PCNT: variants seen among roughly 807,000 people sequenced by gnomAD.
The protein encoded by PCNT is kendrin.
Under a neutral mutation model 380.4 loss-of-function variants are expected in PCNT, and 319 were observed. The ratio of observed to expected loss-of-function variants is 0.84; its 90% CI spans 0.77 to 0.92. The LOEUF is 0.92. Ranked by LOEUF, PCNT falls within the 40% of genes least tolerant of loss-of-function variation. PCNT has a pLI of 0.00. For missense variants in PCNT, 4,400 were observed against 4,255.3 expected (o/e 1.03, Z -0.95); for synonymous variants, 1,845 against 1,735.2 (o/e 1.06, Z -1.57).
chr21:46,407,437 G>A (rs1375805429), intron 27 of PCNT, among the ~76,000 whole-genome samples: 6 of 140,802 alleles, frequency 4.3e-5, no homozygotes, highest in African/African-American at 1.6e-4. Context: ...CGCCTCCCGG[G>A]TTCAAGTGAG....
intron 15 of PCNT, among the ~76,000 whole-genome samples, chr21:46,367,682 C>T (rs553608128): frequency 6.6e-5 from 10 of 152,160 alleles, no homozygotes; most frequent in East Asian, 1.9e-4. Context: ...TGCTCTCGTA[C>T]GTATGTGGGA....
In PCNT at chr21:46,353,105, G is replaced by A. The variant is rs2084336923; in HGVS notation, c.1458G>A (p.Glu486=). 2 of 1,613,250 alleles carry A rather than the reference G, an allele frequency of 1.2e-6. No homozygotes were observed. Among genetic ancestry groups the A allele is most frequent in the Non-Finnish European group, 1.7e-6 (2 of 1,179,430 alleles). The change falls in exon 10 of 47, where the codon GAG becomes GAA. Residue 486 remains glutamate, a splice_region_variant and synonymous_variant. Coordinates refer to ENST00000359568, the MANE Select transcript of PCNT (RefSeq NM_006031.6). ...SARTSRQELS[E]LHEQLLARTS... ...TTGCCTGACTCCGTTATGTTGCAGAGCTACATGAGCAACTCCTGGCGCGCA... is the reference window on the plus strand; with the variant it reads ...TTGCCTGACTCCGTTATGTTGCAGAACTACATGAGCAACTCCTGGCGCGCA...
At chr21:46,406,208 G>A (rs568896185) in intron 27 of PCNT, among the ~76,000 whole-genome samples, 6 of 152,236 alleles carry the variant, frequency 3.9e-5, no homozygotes, top group South Asian at 2.1e-4. Context: ...GCCGTCCTCC[G>A]GGGCTCCAGC....
rs145756692 is a variant in PCNT, at chr21:46,368,710, A to G, written c.3165+1571A>G. 5.4e-3 allele frequency among the ~76,000 whole-genome samples: 830 copies of G among 152,330 alleles called. 24 individuals are homozygous for G. The highest frequency in any genetic ancestry group is 6.4e-3 in the South Asian group (31 of 4,830). ...CATGTGGAGCCACTGGGGCTGGCCT[A>G]TCTCCCTGCAGGAAGGGGATGCATA... On this transcript the variant is annotated intron_variant, in intron 15 of 46. Transcript: ENST00000359568.
Position 46,440,779 on chromosome 21 carries a change from A to G in PCNT, c.9394-76A>G, listed in dbSNP as rs1361952906. 47 of 880,412 alleles carry G rather than the reference A, an allele frequency of 5.3e-5. 1 individual carries two copies. The highest frequency in any genetic ancestry group is 5.2e-5 in the Admixed American group (3 of 57,448). 54.5% of individuals were successfully genotyped at this position (880,412 alleles called of 1,614,324 possible). A position where few individuals can be genotyped will look rare whatever the true frequency, so the allele number is the denominator to read the frequency against. On this transcript the variant is annotated intron_variant, in intron 42 of 46. Transcript: ENST00000359568. Reference sequence around the variant, plus strand: ...ACAATCTGACTCTTTGGAAAGAGCAATGGTGTTAATGTGCTTTTGTCAGCA... The same window carrying G: ...ACAATCTGACTCTTTGGAAAGAGCAGTGGTGTTAATGTGCTTTTGTCAGCA...
intron 39 of PCNT, 150 bp from the exon 40 acceptor site, chr21:46,436,829 T>C: frequency 1.4e-6 from 1 of 694,372 alleles, no homozygotes; most frequent in East Asian, 2.8e-5. Flanking sequence ...CGTGGGCCCC[T>C]GGCTCTGCCT....
intron 12 of PCNT, among the ~76,000 whole-genome samples, chr21:46,356,759 G>A (rs1469191169): frequency 2.0e-5 from 3 of 152,246 alleles, no homozygotes; most frequent in Non-Finnish European, 4.4e-5. Context: ...GACTCGGGAC[G>A]GCACTGTGCT....
chr21:46,407,340 CTTT>C (rs899881614), intron 27 of PCNT, among the ~76,000 whole-genome samples: 13 of 106,422 alleles, frequency 1.2e-4, no homozygotes, highest in African/African-American at 3.5e-4. Context: ...TATACTTTCT[CTTT>C]TTTTTTTTTT....
At chr21:46,328,854 A>G (rs1335718274) in intron 2 of PCNT, among the ~76,000 whole-genome samples, 2 of 151,186 alleles carry the variant, frequency 1.3e-5, no homozygotes, top group Non-Finnish European at 1.5e-5. Context: ...GCTTCCTGCA[A>G]CCTCTGCCTC....
chr21:46,436,861 A>G, intron 39 of PCNT, 118 bp from the exon 40 acceptor site: 2 of 787,716 alleles, frequency 2.5e-6, no homozygotes, highest in Non-Finnish European at 2.2e-6. Flanking sequence ...GAAGTGATTC[A>G]CACACAGGCT....
Position 46,383,036 on chromosome 21 carries a change from A to C in PCNT, c.3312+1196A>C, listed in dbSNP as rs578157903. On this transcript the variant is annotated intron_variant, in intron 16 of 46. Coordinates refer to ENST00000359568, the MANE Select transcript of PCNT (RefSeq NM_006031.6). ...CATTCAGTGGCGGAAGCCCATTCAC[A>C]GTGCTGCGCATTCAGCAGCGGAAGC... is the stretch of plus-strand genomic sequence containing the variant. Among the ~76,000 whole-genome samples, 4 of 139,296 alleles carry C rather than the reference A, an allele frequency of 2.9e-5. 1 individual carries two copies. The East Asian group carries it at 8.6e-4, about 30-fold the overall frequency. 91.4% of individuals were successfully genotyped at this position (139,296 alleles called of 152,430 possible).
chr21:46,333,071 C>G (rs989042815), intron 2 of PCNT, among the ~76,000 whole-genome samples: 1 of 152,106 alleles, frequency 6.6e-6, no homozygotes, highest in African/African-American at 2.4e-5. Flanking sequence ...TGGGATTGCA[C>G]CACTGCACGC....
chr21:46,413,008 A>G lies in PCNT; in HGVS notation c.6150+16A>G, dbSNP rs1351773151. The G allele has an allele frequency of 6.2e-7, 1 of 1,604,396 alleles. No homozygotes were observed. Among genetic ancestry groups the G allele is most frequent in the East Asian group, 2.2e-5 (1 of 44,844 alleles). On this transcript the variant is annotated intron_variant, in intron 29 of 46. Coordinates refer to ENST00000359568, the MANE Select transcript of PCNT (RefSeq NM_006031.6). ...CGGCGGCAAGGTGTGGGGAGGGGGG[A>G]AGGCGCGAGGTCCCCCCGGGAGAGG...
intron 3 of PCNT, among the ~76,000 whole-genome samples, chr21:46,341,303 C>T (rs1489617051): frequency 1.3e-5 from 2 of 151,842 alleles, no homozygotes; most frequent in Non-Finnish European, 2.9e-5. Flanking sequence ...TTTCTGTTTT[C>T]CATATGTCCG....
chr21:46,415,293 CTG>C (rs2086979363), intron 29 of PCNT, among the ~76,000 whole-genome samples: 1 of 151,860 alleles, frequency 6.6e-6, no homozygotes, highest in Admixed American at 6.6e-5. Flanking sequence ...GAAATACATC[CTG>C]TGTGGAGAGC....
In PCNT at chr21:46,398,069, G is replaced by A. The variant is rs756217083; in HGVS notation, c.4502G>A (p.Arg1501Lys). The A allele has an allele frequency of 1.9e-6, 3 of 1,595,928 alleles. No homozygotes were observed. The highest frequency in any genetic ancestry group is 1.7e-6 in the Non-Finnish European group (2 of 1,172,760). Residue 1501 changes from arginine to lysine, a missense_variant, in exon 23 of 47, where the codon AGG (arginine) becomes AAG (lysine). By Grantham distance (26) the Arg-to-Lys change is conservative. Coordinates refer to ENST00000359568, the MANE Select transcript of PCNT (RefSeq NM_006031.6). ...GAGGAGTTCCAGCAGGAGATTCAGA[G>A]GCTGGAGGGGCAGCTCCGCCAGGCG... ...EREEFQQEIQ[R>K]LEGQLRQAAK...
chr21:46,401,864 G>A, intron 26 of PCNT, 143 bp downstream of exon 26: 3 of 845,744 alleles, frequency 3.5e-6, no homozygotes, highest in Non-Finnish European at 5.5e-6. Flanking sequence ...TTTTGTTGTT[G>A]TTTGAGACAG....
intron 28 of PCNT, 107 bp downstream of exon 28, chr21:46,412,174 A>G: frequency 7.6e-7 from 1 of 1,307,856 alleles, no homozygotes; most frequent in Non-Finnish European, 1.1e-6. Context: ...TGCAGTTGTC[A>G]TGGTGGCTCA....
chr21:46,442,584 A>T lies in PCNT; in HGVS notation c.9700+11A>T, dbSNP rs754692575. On this transcript the variant is annotated intron_variant, in intron 44 of 46. Coordinates refer to ENST00000359568, the MANE Select transcript of PCNT (RefSeq NM_006031.6). ...AAGCCCCTCGCCCAGGTGGGACTCC[A>T]GCTGCTGTTGACCGCTGGACTCACA... is the stretch of plus-strand genomic sequence containing the variant. The T allele has an allele frequency of 2.6e-6, 4 of 1,560,808 alleles. No individual in the cohort carries two copies. The East Asian group carries it at 9.0e-5, about 35-fold the overall frequency.
Sources: gnomAD v4.1 joint callset for allele counts (sites outside exome capture counted in the v4.1 genomes callset) on GRCh38, gnomAD v4.1.1 for gene constraint, MANE v1.5 for transcripts, NCBI Gene and HGNC (gene_info 2026-07-23, HGNC 2026-07-21) for gene names.